Variants in TMEM245 observed in about 807,000 individuals in gnomAD.
TMEM245 encodes transmembrane protein 245.
TMEM245 carries 69 observed loss-of-function variants against 101.2 expected under a neutral mutation model. The ratio of observed to expected loss-of-function variants is 0.68; its 90% CI spans 0.56 to 0.83. The LOEUF (loss-of-function observed/expected upper bound fraction) is 0.83. Among genes scored for constraint, TMEM245 ranks in the 40% least tolerant of loss-of-function variants. The pLI is 0.00. For synonymous variants in TMEM245, 537 were observed against 449.8 expected (o/e 1.19, Z -2.45); for missense variants, 1,075 against 1,092.8 (o/e 0.98, Z 0.23).
chr9:109,020,269 G>A lies in TMEM245; in HGVS notation c.*191C>T. On this transcript the variant is annotated 3_prime_UTR_variant, in exon 18 of 18. Coordinates refer to ENST00000374586, the MANE Select transcript of TMEM245 (RefSeq NM_032012.4). ...CACCAACTCTGAACTCTCAAGCTGT[G>A]TTTTAAAATACAAAGCAGCCCGCAG... 1.5e-6 allele frequency: 1 copy of A among 669,966 alleles called. No homozygotes were observed. The highest frequency in any genetic ancestry group is 2.7e-6 in the Non-Finnish European group (1 of 364,138). 41.5% of individuals were successfully genotyped at this position (669,966 alleles called of 1,614,324 possible). A position where few individuals can be genotyped will look rare whatever the true frequency, so the allele number is the denominator to read the frequency against.
At chr9:109,100,275 GA>G (rs1830250592) in intron 3 of TMEM245, among the ~76,000 whole-genome samples, 1 of 152,114 alleles carries the variant, frequency 6.6e-6, no homozygotes, top group Non-Finnish European at 1.5e-5. Context: ...CTGGGGAGGG[GA>G]AAGAACGCTG....
intron 3 of TMEM245, among the ~76,000 whole-genome samples, chr9:109,099,775 C>T (rs1341816442): frequency 6.6e-6 from 1 of 152,152 alleles, no homozygotes; most frequent in Non-Finnish European, 1.5e-5. Flanking sequence ...AGTGTTTGTG[C>T]TCCAAAACTT....
chr9:109,083,813 T>G (rs375938936), intron 7 of TMEM245, among the ~76,000 whole-genome samples: 1 of 147,050 alleles, frequency 6.8e-6, no homozygotes, highest in Non-Finnish European at 1.5e-5. Flanking sequence ...CCTAACACTT[T>G]AGGAGGCTGA....
chr9:109,090,089 G>A (rs1588066696), intron 5 of TMEM245, among the ~76,000 whole-genome samples: 1 of 151,820 alleles, frequency 6.6e-6, no homozygotes, highest in Non-Finnish European at 1.5e-5. Context: ...GTGAAACTCC[G>A]TCTCTACTAA....
chr9:109,035,738 C>T (rs1828097337), intron 16 of TMEM245, among the ~76,000 whole-genome samples: 1 of 151,656 alleles, frequency 6.6e-6, no homozygotes, highest in African/African-American at 2.4e-5. Context: ...TGGTTTTAAC[C>T]CAGGACATCA....
At position 109,033,465 on chromosome 9, in the gene TMEM245, G is replaced by C. The variant is rs111480136; in HGVS notation, c.2436C>G (p.Ala812=). The C allele has an allele frequency of 3.1e-6, 5 of 1,611,234 alleles. No homozygotes were observed. Among genetic ancestry groups the C allele is most frequent in the Middle Eastern group, 1.7e-4 (1 of 6,038 alleles). Residue 812 remains alanine, a synonymous_variant, in exon 17 of 18, where the codon GCC becomes GCG. Coordinates refer to ENST00000374586, the MANE Select transcript of TMEM245 (RefSeq NM_032012.4). ...GHPYLTGLAV[A]GGAYYLGLEG... Reference sequence around the variant, plus strand: ...CCAGGCCTAGGTAGTATGCTCCACCGGCCACTGCCAAGCCTGTCAGGTAAG... The same window carrying C: ...CCAGGCCTAGGTAGTATGCTCCACCCGCCACTGCCAAGCCTGTCAGGTAAG...
chr9:109,107,904 G>C (rs1157771230), intron 2 of TMEM245, among the ~76,000 whole-genome samples: 1 of 152,182 alleles, frequency 6.6e-6, no homozygotes, highest in Non-Finnish European at 1.5e-5. Context: ...AAAGAGATTT[G>C]TCTCTCTGAA....
At chr9:109,105,016 T>C (rs1004189665) in intron 3 of TMEM245, among the ~76,000 whole-genome samples, 2 of 152,128 alleles carry the variant, frequency 1.3e-5, no homozygotes, top group African/African-American at 4.8e-5. Context: ...AAACTGGACT[T>C]CATCAAAAAA....
intron 8 of TMEM245, among the ~76,000 whole-genome samples, chr9:109,077,136 G>A (rs1021986005): frequency 3.3e-5 from 5 of 151,570 alleles, no homozygotes; most frequent in South Asian, 2.1e-4. Context: ...GACTGACCGC[G>A]TTTTTTGGCG....
intron 14 of TMEM245, among the ~76,000 whole-genome samples, chr9:109,049,134 G>C (rs552575702): frequency 6.6e-6 from 1 of 152,224 alleles, no homozygotes; most frequent in Admixed American, 6.5e-5. Context: ...CCTGCTGATG[G>C]AAAGCTGATG....
At chr9:109,077,202 A>G (rs1295849327) in intron 8 of TMEM245, among the ~76,000 whole-genome samples, 1 of 151,754 alleles carries the variant, frequency 6.6e-6, no homozygotes, top group Non-Finnish European at 1.5e-5. Context: ...CCAGGCTGAC[A>G]TGCAGTGGCA....
intron 14 of TMEM245, among the ~76,000 whole-genome samples, chr9:109,043,233 A>G (rs1306697623): frequency 6.6e-6 from 1 of 152,226 alleles, no homozygotes; most frequent in African/African-American, 2.4e-5. Flanking sequence ...ACTATCTATG[A>G]AAGACATTAT....
At chr9:109,087,367 T>C (rs756237696) in intron 5 of TMEM245, 25 bp from the exon 6 acceptor site, 20 of 1,563,336 alleles carry the variant, frequency 1.3e-5, no homozygotes, top group Admixed American at 2.1e-5. Context: ...AAAATACATA[T>C]ATAAACAAAA....
chr9:109,043,384 C>CATGT (rs1828376296), intron 14 of TMEM245, among the ~76,000 whole-genome samples: 1 of 152,170 alleles, frequency 6.6e-6, no homozygotes, highest in Admixed American at 6.5e-5. Flanking sequence ...TGCTCACAAC[C>CATGT]ATGTGGTCAA....
chr9:109,065,243 T>C (rs1829132359), intron 9 of TMEM245, among the ~76,000 whole-genome samples: 1 of 152,064 alleles, frequency 6.6e-6, no homozygotes, highest in Non-Finnish European at 1.5e-5. Context: ...TGGGACAGGG[T>C]TCTCAAAGTG....
intron 9 of TMEM245, 54 bp from the exon 10 acceptor site, chr9:109,064,621 C>T: frequency 1.4e-6 from 2 of 1,469,342 alleles, no homozygotes; most frequent in Non-Finnish European, 1.9e-6. Context: ...TGTAGTGTAC[C>T]AATAATGCTT....
intron 15 of TMEM245, 66 bp downstream of exon 15, chr9:109,037,951 G>A (rs897903211): frequency 7.7e-7 from 1 of 1,300,574 alleles, no homozygotes; most frequent in Admixed American, 2.5e-5. Context: ...ACATTTCCTA[G>A]ATGTATGTAA....
intron 17 of TMEM245, among the ~76,000 whole-genome samples, chr9:109,028,173 G>A (rs190012309): frequency 4.9e-4 from 74 of 151,932 alleles, no homozygotes; most frequent in African/African-American, 1.7e-3. Context: ...ATGCTGGCCG[G>A]GCACAGTGGC....
chr9:109,028,653 G>C (rs1371273753), intron 17 of TMEM245, among the ~76,000 whole-genome samples: 1 of 152,008 alleles, frequency 6.6e-6, no homozygotes, highest in Non-Finnish European at 1.5e-5. Context: ...GATTATGCTG[G>C]GTGGGCTGGG....
Sources: gnomAD v4.1 joint callset for allele counts (sites outside exome capture counted in the v4.1 genomes callset) on GRCh38, gnomAD v4.1.1 for gene constraint, MANE v1.5 for transcripts, NCBI Gene and HGNC (gene_info 2026-07-23, HGNC 2026-07-21) for gene names.